The following QSER1 variants were observed in gnomAD, a reference collection of about 807,000 sequenced individuals.
The protein encoded by QSER1 is glutamine and serine rich 1.
QSER1 carries 49 observed loss-of-function variants against 158.5 expected under a neutral mutation model. The observed-to-expected ratio is 0.31, with a 90% CI of 0.25 to 0.39. The LOEUF is 0.39. Ranked by LOEUF, QSER1 falls within the 10% of genes least tolerant of loss-of-function variation. The pLI, the probability that QSER1 is intolerant of heterozygous loss-of-function variation, is 1.00. For synonymous variants in QSER1, 650 were observed against 715.5 expected (o/e 0.91, Z 1.46); for missense variants, 1,754 against 2,010.3 (o/e 0.87, Z 2.44).
In QSER1 at chr11:32,977,996, TGAAGGTAATG is replaced by T. The variant is rs1363838216; in HGVS notation, c.*1523_*1532del. 2 of 152,616 alleles carry T rather than the reference TGAAGGTAATG, an allele frequency of 1.3e-5. No individual in the cohort carries two copies. The highest frequency in any genetic ancestry group is 4.8e-5 in the African/African-American group (2 of 41,442). The allele number at this position is 152,616 out of a possible 1,614,324, so 9.5% of individuals were successfully genotyped here. ...AAACCTCAGTAAACTGGCAAAGAATTGAAGGTAATGTGATTTGATTTGAGAATAAAACATT... is the reference window on the plus strand; with the variant it reads ...AAACCTCAGTAAACTGGCAAAGAATTTGATTTGATTTGAGAATAAAACATT... On this transcript the variant is annotated 3_prime_UTR_variant, in exon 13 of 13. Coordinates refer to ENST00000650167, the MANE Select transcript of QSER1 (RefSeq NM_001076786.3).
At position 32,893,467 on chromosome 11, in the gene QSER1, C is replaced by T. The variant is rs577033599; in HGVS notation, c.209+133C>T. The T allele has an allele frequency of 4.0e-4, 61 of 152,408 alleles. 1 individual carries two copies. In the South Asian group the frequency reaches 0.01, roughly 25 times the overall value. 9.4% of individuals were successfully genotyped at this position (152,408 alleles called of 1,614,324 possible). On this transcript the variant is annotated intron_variant, in intron 1 of 12. Coordinates refer to ENST00000650167, the MANE Select transcript of QSER1 (RefSeq NM_001076786.3). This position sits in a 1 kb window ranked among gnomAD's most constrained non-coding sequence, Gnocchi z 4.7. ...GCCCTCCGCTCGCCCTCGGCCAGCTCGGGGGAGGCGGCTGATGACTCCTAC... is the reference window on the plus strand; with the variant it reads ...GCCCTCCGCTCGCCCTCGGCCAGCTTGGGGGAGGCGGCTGATGACTCCTAC...
At chr11:32,908,282 A>G (rs887411443) in intron 1 of QSER1, among the ~76,000 whole-genome samples, 2 of 152,220 alleles carry the variant, frequency 1.3e-5, no homozygotes, top group Non-Finnish European at 2.9e-5. Context: ...GGCTCTTGTT[A>G]TCATGGATGT....
At chr11:32,969,302 T>C (rs1394540464) in intron 10 of QSER1, among the ~76,000 whole-genome samples, 159 bp downstream of exon 10, 1 of 152,208 alleles carries the variant, frequency 6.6e-6, no homozygotes, top group Non-Finnish European at 1.5e-5. Flanking sequence ...GTCTGCTTAG[T>C]GTTAATCACT....
chr11:32,974,946 G>T (rs181593278), intron 11 of QSER1, among the ~76,000 whole-genome samples: 1 of 152,084 alleles, frequency 6.6e-6, no homozygotes, highest in Admixed American at 6.5e-5. Flanking sequence ...TAGCTCTGAA[G>T]CAGGAGATTA....
rs906135497 is a variant in QSER1, at chr11:32,976,680, T to C, written c.*206T>C. ...GGAAATGGACCTAAATCCCACCACA[T>C]TTTTACCCTAATGAATGATTTTTCT... On this transcript the variant is annotated 3_prime_UTR_variant, in exon 13 of 13. Coordinates refer to ENST00000650167, the MANE Select transcript of QSER1 (RefSeq NM_001076786.3). 4.3e-5 allele frequency: 21 copies of C among 493,720 alleles called. No individual in the cohort carries two copies. Among genetic ancestry groups the C allele is most frequent in the Middle Eastern group, 5.2e-4 (1 of 1,912 alleles). 30.6% of individuals were successfully genotyped at this position (493,720 alleles called of 1,614,324 possible).
At chr11:32,914,913 A>G (rs897768563) in intron 1 of QSER1, among the ~76,000 whole-genome samples, 5 of 152,050 alleles carry the variant, frequency 3.3e-5, no homozygotes, top group Admixed American at 1.3e-4. Flanking sequence ...GTTTGTTTCA[A>G]TTTTTGTTGT....
intron 1 of QSER1, among the ~76,000 whole-genome samples, chr11:32,910,495 T>A (rs1441559588): frequency 6.6e-6 from 1 of 152,258 alleles, no homozygotes; most frequent in East Asian, 1.9e-4. Context: ...TTTGTAGAAT[T>A]GGCTAGACAC....
In QSER1 at chr11:32,973,508, A is replaced by G; in HGVS notation, c.5317A>G (p.Lys1773Glu). ...AATGAATGGCAAAGCCTATAATAAG[A>G]AAACTCTAAGGACTTCTAAAACAAC... The part of the protein sequence containing the change: ...IKMNGKAYNK[K>E]TLRTSKTTTK... Residue 1773 changes from lysine to glutamate, a missense_variant, in exon 11 of 13, where the codon AAA (lysine) becomes GAA (glutamate). By Grantham distance (56) the Lys-to-Glu change is moderately conservative (BLOSUM62 1). Around this residue, in one of 2 missense-constraint regions of QSER1, gnomAD observed 1,707 missense variants for 1,919.6 expected, o/e 0.89. Transcript: ENST00000650167. 1 of 1,613,402 alleles carries G rather than the reference A, an allele frequency of 6.2e-7. No individual in the cohort carries two copies. The highest frequency in any genetic ancestry group is 8.5e-7 in the Non-Finnish European group (1 of 1,179,720).
Position 32,931,776 on chromosome 11 carries a change from C to T in QSER1, c.518C>T (p.Ala173Val), listed in dbSNP as rs754839303. The T allele has an allele frequency of 2.5e-5, 40 of 1,611,896 alleles. No individual in the cohort carries two copies. The highest frequency in any genetic ancestry group is 3.3e-5 in the Non-Finnish European group (39 of 1,179,028). Residue 173 changes from alanine (A) to valine (V), a missense_variant, in exon 4 of 13, where the codon GCT becomes GTT. By Grantham distance (64) the Ala-to-Val change is moderately conservative. This residue lies in a region of QSER1 where 1,707 missense variants were observed against 1,919.6 expected (regional missense o/e 0.89). Transcript: ENST00000650167. ...TCCTCAGCAGCAACTGAGCTGTTTG[C>T]TACTGGACCTTTGCCAAGCACTGGA... ...MHSSAATELFATGPLPSTGTL... is the reference protein window; with the variant it reads ...MHSSAATELFVTGPLPSTGTL...
chr11:32,973,259 AAATAGGTGTTTGTGTGCACACACACC>A, intron 10 of QSER1, 112 bp from the exon 11 acceptor site: 1 of 836,102 alleles, frequency 1.2e-6, no homozygotes. Context: ...ACCTCTCTGC[AAATAGGTGTTTGTGTGCACACACACC>A]TCTCTGCAAA....
intron 10 of QSER1, among the ~76,000 whole-genome samples, chr11:32,973,029 G>A (rs1852898761): frequency 6.6e-6 from 1 of 152,192 alleles, no homozygotes; most frequent in Non-Finnish European, 1.5e-5. Context: ...CTCCTGCCTT[G>A]AAGCCAGAGA....
chr11:32,975,605 G>A (rs761870201), intron 12 of QSER1: 10 of 1,265,954 alleles, frequency 7.9e-6, no homozygotes, highest in African/African-American at 4.6e-5. Context: ...GCTTTACATC[G>A]CCATAATAAA....
intron 1 of QSER1, among the ~76,000 whole-genome samples, chr11:32,900,615 C>T (rs1402062488): frequency 6.6e-6 from 1 of 152,122 alleles, no homozygotes; most frequent in Non-Finnish European, 1.5e-5. Flanking sequence ...ATGATCTAAG[C>T]CTCAGCTAAT....
At chr11:32,944,579 G>A (rs1227836102) in intron 4 of QSER1, among the ~76,000 whole-genome samples, 1 of 151,592 alleles carries the variant, frequency 6.6e-6, no homozygotes, top group African/African-American at 2.4e-5. Context: ...GTTCTAGTTT[G>A]ATTGCACTGT....
At chr11:32,953,079 G>A (rs969737484) in intron 4 of QSER1, among the ~76,000 whole-genome samples, 12 of 152,130 alleles carry the variant, frequency 7.9e-5, no homozygotes, top group African/African-American at 2.6e-4. Flanking sequence ...GGGATTACAG[G>A]TGTGAGCCAC....
Position 32,957,929 on chromosome 11 carries a change from T to C in QSER1, c.4812T>C (p.Thr1604=), listed in dbSNP as rs1283924618. 1 of 1,614,096 alleles carries C rather than the reference T, an allele frequency of 6.2e-7. No homozygotes were observed. Among genetic ancestry groups the C allele is most frequent in the African/African-American group, 1.3e-5 (1 of 75,046 alleles). ...CTTCTGATCCTCTAGCATCAAAAAC[T>C]ACAACTACAAAAGCCCCTTCCGTGA... The part of the protein sequence containing the change: ...SKTSDPLASK[T]TTTKAPSVKP... Residue 1604 remains threonine (T), a synonymous_variant, in exon 8 of 13, where the codon ACT becomes ACC. Transcript: ENST00000650167.
At chr11:32,927,583 T>C (rs1185572583) in intron 2 of QSER1, among the ~76,000 whole-genome samples, 1 of 151,978 alleles carries the variant, frequency 6.6e-6, no homozygotes, top group East Asian at 1.9e-4. Flanking sequence ...AATTTTTGTA[T>C]TTTTTAGTAG....
intron 1 of QSER1, among the ~76,000 whole-genome samples, chr11:32,916,042 C>T (rs1456404820): frequency 1.3e-5 from 2 of 151,790 alleles, no homozygotes; most frequent in Non-Finnish European, 2.9e-5. Context: ...GCTGGGATTA[C>T]AGGCATGCGC....
intron 1 of QSER1, among the ~76,000 whole-genome samples, chr11:32,901,998 G>C (rs575669135): frequency 4.6e-5 from 7 of 152,172 alleles, no homozygotes; most frequent in Non-Finnish European, 4.4e-5. Context: ...TGGGAGGATC[G>C]CTTGAGCCTG....
Sources: allele counts gnomAD v4.1 joint callset (sites outside exome capture counted in the v4.1 genomes callset), GRCh38; gene constraint gnomAD v4.1.1; regional missense constraint gnomAD v4.1.1; non-coding constraint Gnocchi (gnomAD v3.1); transcripts MANE v1.5; gene names NCBI Gene and HGNC (gene_info 2026-07-23, HGNC 2026-07-21).